The following TOGARAM1 variants were observed in gnomAD, a reference collection of about 807,000 sequenced individuals.
TOGARAM1 encodes the protein TOG array regulator of axonemal microtubules protein 1.
A neutral mutation model predicts 166.6 loss-of-function variants in TOGARAM1; 100 were observed. The observed-to-expected ratio is 0.60, with a 90% confidence interval of 0.51 to 0.71. The LOEUF (loss-of-function observed/expected upper bound fraction) is 0.71. Ranked by LOEUF, TOGARAM1 falls within the 30% of genes least tolerant of loss-of-function variation. The pLI is 0.00. For synonymous variants in TOGARAM1, 758 were observed against 763.8 expected, an observed-to-expected ratio of 0.99 and a Z score of 0.13; for missense variants, 2,029 against 2,102.7, an observed-to-expected ratio of 0.96 and a Z score of 0.69.
intron 13 of TOGARAM1, among the ~76,000 whole-genome samples, chr14:45,045,577 ATATATATGTGTGTGTGTGTGTG>A (rs1305006704): frequency 2.7e-5 from 1 of 37,520 alleles, no homozygotes; most frequent in African/African-American, 1.6e-4. Context: ...ATATATATAT[ATATATATGTGTGTGTGTGTGTG>A]TGTGTGTGTG....
At chr14:45,002,399 T>C (rs1336220756) in intron 3 of TOGARAM1, among the ~76,000 whole-genome samples, 1 of 152,202 alleles carries the variant, frequency 6.6e-6, no homozygotes, top group Middle Eastern at 3.2e-3. Context: ...TGGTTTTCTA[T>C]TGGAATAGTT....
At position 45,032,263 on chromosome 14, in the gene TOGARAM1, G is replaced by A. The variant is rs565713932; in HGVS notation, c.3699G>A (p.Arg1233=). The A allele has an allele frequency of 6.2e-7, 1 of 1,613,858 alleles. No homozygotes were observed. ...PTGAISQYKE[R]MPSVTHSPEI... is the part of the protein sequence containing the mutation. The stretch of plus-strand genomic sequence containing the variant: ...GAGCTATTTCACAGTATAAAGAAAG[G>A]ATGCCTTCTGTCACTCATAGTCCAG... Residue 1233 remains arginine (R), a synonymous_variant, in exon 11 of 20, where the codon AGG becomes AGA. Coordinates refer to ENST00000361462, the MANE Select transcript of TOGARAM1 (RefSeq NM_001308120.2).
chr14:44,994,630 G>C (rs1402298598), intron 1 of TOGARAM1, among the ~76,000 whole-genome samples: 1 of 152,110 alleles, frequency 6.6e-6, no homozygotes, highest in African/African-American at 2.4e-5. Flanking sequence ...TGTTGCCAAG[G>C]CTGATCTTGA....
Position 44,964,278 on chromosome 14 carries a change from T to C in TOGARAM1, c.1857T>C (p.Thr619=), listed in dbSNP as rs781713377. 2 of 1,614,158 alleles carry C rather than the reference T, an allele frequency of 1.2e-6. No homozygotes were observed. The highest frequency in any genetic ancestry group is 1.7e-6 in the Non-Finnish European group (2 of 1,180,024). Residue 619 remains threonine, a synonymous_variant, in exon 1 of 20, where the codon ACT becomes ACC. Coordinates refer to ENST00000361462, the MANE Select transcript of TOGARAM1 (RefSeq NM_001308120.2). ...DTDWLLAGNR[T]QSAHCHCGDH... ...ACTGGCTTTTGGCTGGTAACAGAACTCAGAGTGCACACTGTCACTGTGGTG... is the reference window on the plus strand; with the variant it reads ...ACTGGCTTTTGGCTGGTAACAGAACCCAGAGTGCACACTGTCACTGTGGTG...
intron 11 of TOGARAM1, among the ~76,000 whole-genome samples, chr14:45,033,553 A>G (rs1477401616): frequency 6.6e-6 from 1 of 152,208 alleles, no homozygotes; most frequent in Non-Finnish European, 1.5e-5. Flanking sequence ...ATAGAGCCAC[A>G]TTTGGCCCAT....
chr14:45,071,912 G>C, intron 19 of TOGARAM1, 114 bp downstream of exon 19: 1 of 690,384 alleles, frequency 1.4e-6, no homozygotes, highest in African/African-American at 1.8e-5. Flanking sequence ...CCACAAAGTA[G>C]AAATAAATTG....
chr14:44,998,149 A>C (rs1054952998), intron 2 of TOGARAM1, among the ~76,000 whole-genome samples: 3 of 152,214 alleles, frequency 2.0e-5, no homozygotes, highest in African/African-American at 7.2e-5. Context: ...ATGACTGCAT[A>C]GTTTATTTTA....
chr14:45,007,693 G>A (rs966570126), intron 5 of TOGARAM1: 1 of 151,970 alleles, frequency 6.6e-6, no homozygotes, highest in African/African-American at 2.4e-5. Context: ...TTTTGAATGG[G>A]TCACTGTTTA....
intron 11 of TOGARAM1, among the ~76,000 whole-genome samples, chr14:45,042,601 T>C (rs549052915): frequency 1.1e-4 from 17 of 152,254 alleles, no homozygotes; most frequent in African/African-American, 2.2e-4. Context: ...TACACAATTA[T>C]AGATTGTGTA....
intron 1 of TOGARAM1, among the ~76,000 whole-genome samples, chr14:44,972,325 A>G (rs1594607464): frequency 6.6e-6 from 1 of 151,984 alleles, no homozygotes; most frequent in Non-Finnish European, 1.5e-5. Context: ...TTCCATGTGA[A>G]TTTAAGAAGA....
intron 3 of TOGARAM1, among the ~76,000 whole-genome samples, chr14:45,000,053 C>T (rs1180369639): frequency 6.6e-6 from 1 of 151,994 alleles, no homozygotes; most frequent in Non-Finnish European, 1.5e-5. Context: ...AGTGTAATGG[C>T]AGGATCTCGG....
At chr14:45,027,755 G>T (rs1880938995) in intron 9 of TOGARAM1, among the ~76,000 whole-genome samples, 1 of 151,916 alleles carries the variant, frequency 6.6e-6, no homozygotes, top group Admixed American at 6.6e-5. Flanking sequence ...TATGGGCCCA[G>T]CTACTTGGGA....
chr14:45,027,578 A>G, intron 9 of TOGARAM1, 104 bp downstream of exon 9: 1 of 961,992 alleles, frequency 1.0e-6, no homozygotes, highest in Non-Finnish European at 1.4e-6. Flanking sequence ...TTAAAATTTA[A>G]AAAATCTTAG....
intron 13 of TOGARAM1, 41 bp from the exon 14 acceptor site, chr14:45,046,504 T>C: frequency 7.9e-7 from 1 of 1,261,170 alleles, no homozygotes; most frequent in Non-Finnish European, 1.0e-6. Context: ...GAGAATAGTT[T>C]ATATAACAAC....
rs551859912 is a variant in TOGARAM1, at chr14:44,995,807, A to G, written c.2108A>G (p.Asn703Ser). 2.9e-5 allele frequency: 47 copies of G among 1,606,480 alleles called. 1 individual carries two copies. The South Asian group carries it at 3.9e-4, about 13-fold the overall frequency. ...KLKLSQGMPV[N>S]DDLCFSRKRV... ...AAGCTTTCTCAAGGAATGCCAGTCA[A>G]TGATGATTTATGTTTTAGCAGAAAA... is the stretch of plus-strand genomic sequence containing the variant. The change falls in exon 2 of 20, where the codon AAT becomes AGT. Residue 703 changes from asparagine (N) to serine (S), a missense_variant. Coordinates refer to ENST00000361462, the MANE Select transcript of TOGARAM1 (RefSeq NM_001308120.2).
intron 7 of TOGARAM1, among the ~76,000 whole-genome samples, chr14:45,016,469 C>T (rs565144529): frequency 6.6e-6 from 1 of 152,304 alleles, no homozygotes; most frequent in East Asian, 1.9e-4. Context: ...ATCACGAGGT[C>T]AGGAGTTCCA....
At chr14:45,027,876 A>G (rs1415046987) in intron 9 of TOGARAM1, among the ~76,000 whole-genome samples, 1 of 145,110 alleles carries the variant, frequency 6.9e-6, no homozygotes. Flanking sequence ...TGTCTCAAGA[A>G]AAAAAAAAAA....
At chr14:45,068,378 C>A in intron 17 of TOGARAM1, 46 bp from the exon 18 acceptor site, 2 of 1,305,590 alleles carry the variant, frequency 1.5e-6, no homozygotes, top group Non-Finnish European at 2.1e-6. Flanking sequence ...AATACAATAG[C>A]TATAAAAATC....
chr14:45,000,805 C>T (rs1887659539), intron 3 of TOGARAM1, among the ~76,000 whole-genome samples: 1 of 152,122 alleles, frequency 6.6e-6, no homozygotes, highest in African/African-American at 2.4e-5. Context: ...AGTGCAATGG[C>T]TCACTGCAGC....
Sources: gnomAD v4.1 joint callset for allele counts (sites outside exome capture counted in the v4.1 genomes callset) on GRCh38, gnomAD v4.1.1 for gene constraint, MANE v1.5 for transcripts, NCBI Gene and HGNC (gene_info 2026-07-23, HGNC 2026-07-21) for gene names.